The following ALG12 variants were observed in gnomAD, a reference collection of about 807,000 sequenced individuals.
The protein encoded by ALG12 is dol-P-Man:Man(7)GlcNAc(2)-PP-Dol alpha-1,6-mannosyltransferase.
ALG12 carries 36 observed loss-of-function variants against 46.0 expected under a neutral mutation model. The ratio of observed to expected loss-of-function variants is 0.78; its 90% CI spans 0.60 to 1.03. ALG12 has a LOEUF of 1.03. Among genes scored for constraint, ALG12 ranks in the 50% least tolerant of loss-of-function variants. The pLI is 0.00. For synonymous variants in ALG12, 326 were observed against 291.6 expected, an observed-to-expected ratio of 1.12 and a Z score of -1.20; for missense variants, 599 against 633.5, an observed-to-expected ratio of 0.95 and a Z score of 0.58.
At chr22:49,915,809 C>A (rs2060606161) in intron 1 of ALG12, among the ~76,000 whole-genome samples, 1 of 152,200 alleles carries the variant, frequency 6.6e-6, no homozygotes, top group Non-Finnish European at 1.5e-5. Context: ...CTGCCACCTC[C>A]CCTGCTGGAC....
chr22:49,886,437 C>T, the ALG12 span: 1 of 1,583,396 alleles, frequency 6.3e-7, no homozygotes, highest in Admixed American at 1.8e-5. This position sits in a 1 kb window ranked among gnomAD's most constrained non-coding sequence, Gnocchi z 7.7. Context: ...TCAGCTGCGA[C>T]CAGTGGGAGG....
In ALG12 at chr22:49,910,506, C is replaced by T. The variant is rs1569176649; in HGVS notation, c.397G>A (p.Val133Met). Residue 133 changes from valine to methionine, a missense_variant, in exon 4 of 10, where the codon GTG becomes ATG. Transcript: ENST00000330817. ...ATCAGGTGGAACTGCATGGCCGTCA[C>T]CCAGCAGAACATGGTGGCCACCATG... ...GAMVATMFCW[V>M]TAMQFHLMFY... The T allele has an allele frequency of 1.2e-6, 2 of 1,614,070 alleles. No individual in the cohort carries two copies.
the ALG12 span, among the ~76,000 whole-genome samples, chr22:49,882,527 A>G: frequency 0.1 from 15,353 of 152,264 alleles, 2,228 homozygotes; most frequent in African/African-American, 0.32. Flanking sequence ...GTTCCTTAGT[A>G]AACTGCTCCA....
chr22:49,903,792 A>T lies in ALG12; in HGVS notation c.*46T>A, dbSNP rs2060527238. On this transcript the variant is annotated 3_prime_UTR_variant, in exon 10 of 10. Transcript: ENST00000330817. The stretch of plus-strand genomic sequence containing the variant: ...ATTGTGCCAGAAACTGGTAGTGATA[A>T]CAGCTCCTGGAAGGCCTGTGGCTGC... The T allele has an allele frequency of 6.3e-7, 1 of 1,592,676 alleles. No individual in the cohort carries two copies. Among genetic ancestry groups the T allele is most frequent in the South Asian group, 1.1e-5 (1 of 90,658 alleles).
chr22:49,876,783 G>A, the ALG12 span, among the ~76,000 whole-genome samples: 8 of 152,056 alleles, frequency 5.3e-5, no homozygotes, highest in Admixed American at 3.9e-4. Context: ...AAAAGACCTC[G>A]TTCTATTTAT....
At chr22:49,879,607 A>G in the ALG12 span, among the ~76,000 whole-genome samples, 9 of 138,356 alleles carry the variant, frequency 6.5e-5, no homozygotes, top group African/African-American at 2.3e-4. Flanking sequence ...GCGTGTTTCT[A>G]TTGGTTGGTT....
Position 49,913,321 on chromosome 22 carries a change from G to A in ALG12, c.295+64C>T, listed in dbSNP as rs56248708. On this transcript the variant is annotated intron_variant, in intron 3 of 9. Coordinates refer to ENST00000330817, the MANE Select transcript of ALG12 (RefSeq NM_024105.4). Reference sequence around the variant, plus strand: ...CCTGGGCAGGAGGGACCGCGGCCTCGCTGAGGTCACCCGATGACACCACAG... The same window carrying A: ...CCTGGGCAGGAGGGACCGCGGCCTCACTGAGGTCACCCGATGACACCACAG... 0.12 allele frequency: 189,170 copies of A among 1,607,006 alleles called. 11,611 individuals are homozygous for A. The highest frequency in any genetic ancestry group is 0.16 in the South Asian group (14,541 of 90,752).
At chr22:49,896,498 TG>T (rs1460798092), downstream of ALG12, among the ~76,000 whole-genome samples, 4 of 152,234 alleles carry the variant, frequency 2.6e-5, no homozygotes, top group Non-Finnish European at 5.9e-5. Context: ...CCTGGTCCCC[TG>T]CTCCTCTCTG....
chr22:49,885,586 G>A, the ALG12 span: 2 of 1,605,598 alleles, frequency 1.2e-6, no homozygotes. Context: ...TTCCTCTTTT[G>A]ATGACACCAA....
rs755006551 is a variant in ALG12 at position 49,903,708 on chromosome 22, T to C, written c.*130A>G. 3.7e-6 allele frequency: 4 copies of C among 1,073,348 alleles called. No individual in the cohort carries two copies. The East Asian group carries it at 7.5e-5, about 20-fold the overall frequency. 66.5% of individuals were successfully genotyped at this position (1,073,348 alleles called of 1,614,324 possible). ...GGCCCTGGACCTGGTCTGGTGTCTG[T>C]CAGAGGCAGGTGCCCAGTCCTTTGA... On this transcript the variant is annotated 3_prime_UTR_variant, in exon 10 of 10. Coordinates refer to ENST00000330817, the MANE Select transcript of ALG12 (RefSeq NM_024105.4).
chr22:49,907,208 C>A (rs942013969), intron 7 of ALG12, among the ~76,000 whole-genome samples: 2 of 152,204 alleles, frequency 1.3e-5, no homozygotes. Flanking sequence ...CTCTACCTGA[C>A]CTGTCGCCCT....
the ALG12 span, among the ~76,000 whole-genome samples, chr22:49,874,672 C>CTTTTTTTTTTTTTTTTTTT: frequency 2.7e-5 from 1 of 37,314 alleles, no homozygotes; most frequent in Non-Finnish European, 4.4e-5. Flanking sequence ...CATGCCCAGC[C>CTTTTTTTTTTTTTTTTTTT]TTTTTTTTTT....
chr22:49,896,856 G>A (rs2060485301), downstream of ALG12, among the ~76,000 whole-genome samples: 1 of 151,524 alleles, frequency 6.6e-6, no homozygotes, highest in South Asian at 2.1e-4. Flanking sequence ...TGCCAGGCTG[G>A]TCTTGAACTC....
At chr22:49,917,365 C>T (rs1424644573) in intron 1 of ALG12, among the ~76,000 whole-genome samples, 1 of 152,218 alleles carries the variant, frequency 6.6e-6, no homozygotes, top group Non-Finnish European at 1.5e-5. Flanking sequence ...GATTTTAAGG[C>T]CTCTACCGAA....
the ALG12 span, chr22:49,888,571 G>C: frequency 6.0e-6 from 1 of 167,274 alleles, no homozygotes; most frequent in East Asian, 1.9e-4. Context: ...CAGGGCTCCA[G>C]GGAAGTGGAG....
chr22:49,902,694 C>T lies in ALG12; in HGVS notation c.*1144G>A, dbSNP rs1223293789. 1 of 102,128 alleles carries T rather than the reference C, an allele frequency of 9.8e-6. No individual in the cohort carries two copies. The highest frequency in any genetic ancestry group is 1.9e-5 in the Non-Finnish European group (1 of 52,940). The allele number at this position is 102,128 out of a possible 1,614,324, so 6.3% of individuals were successfully genotyped here. A position where few individuals can be genotyped will look rare whatever the true frequency, so the allele number is the denominator to read the frequency against. ...TGTGTGCACGTGTGCACTGTGTATG[C>T]ATAGTGTGTGCACGTGTGCACTGTG... On this transcript the variant is annotated 3_prime_UTR_variant, in exon 10 of 10. Coordinates refer to ENST00000330817, the MANE Select transcript of ALG12 (RefSeq NM_024105.4).
At chr22:49,887,070 C>T in the ALG12 span, 2 of 1,614,070 alleles carry the variant, frequency 1.2e-6, no homozygotes, top group Non-Finnish European at 1.7e-6. Flanking sequence ...AGCTGTTCAA[C>T]ACACCCACTG....
At chr22:49,885,320 T>C in the ALG12 span, 2 of 1,592,634 alleles carry the variant, frequency 1.3e-6, no homozygotes, top group Non-Finnish European at 1.7e-6. Context: ...CAAGTTATGT[T>C]TCCTGTTAAT....
the ALG12 span, among the ~76,000 whole-genome samples, chr22:49,859,414 G>A: frequency 1.3e-5 from 2 of 152,064 alleles, no homozygotes; most frequent in Non-Finnish European, 2.9e-5. Context: ...GACTAGTTGG[G>A]AGCCCCTTCC....
Sources: gnomAD v4.1 joint callset for allele counts (sites outside exome capture counted in the v4.1 genomes callset) on GRCh38, gnomAD v4.1.1 for gene constraint, Gnocchi (gnomAD v3.1) non-coding constraint, MANE v1.5 for transcripts, NCBI Gene and HGNC (gene_info 2026-07-23, HGNC 2026-07-21) for gene names.